Variants in RSRC1 observed in about 807,000 individuals in gnomAD.
The protein encoded by RSRC1 is serine/Arginine-related protein 53.
In RSRC1, 39 loss-of-function variants were observed where a neutral mutation model predicts 49.1. The ratio of observed to expected loss-of-function variants is 0.79; its 90% confidence interval spans 0.61 to 1.04. The LOEUF is 1.04. Ranked by LOEUF, RSRC1 falls within the 50% of genes least tolerant of loss-of-function variation. The probability of loss-of-function intolerance (pLI) is 0.00; values close to 1 mark genes in which losing one functional copy is unlikely to be tolerated. For synonymous variants in RSRC1, 143 were observed against 130.8 expected (o/e 1.09, Z -0.63); for missense variants, 388 against 402.4 (o/e 0.96, Z 0.31).
chr3:158,488,302 A>C (rs556427154), intron 7 of RSRC1, among the ~76,000 whole-genome samples: 54 of 152,318 alleles, frequency 3.5e-4, no homozygotes, highest in African/African-American at 1.3e-3. Flanking sequence ...TTGTGCCACA[A>C]TTTAATTGAC....
intron 7 of RSRC1, among the ~76,000 whole-genome samples, chr3:158,520,729 A>G (rs552339058): frequency 3.3e-5 from 5 of 152,226 alleles, no homozygotes; most frequent in Non-Finnish European, 5.9e-5. Context: ...CAGTGGTTTC[A>G]TTTTCAAAGG....
At chr3:158,115,404 G>A (rs1714733737) in intron 1 of RSRC1, among the ~76,000 whole-genome samples, 2 of 151,872 alleles carry the variant, frequency 1.3e-5, no homozygotes, top group Non-Finnish European at 2.9e-5. Context: ...AATAGAGAAT[G>A]GGAATGACTG....
intron 4 of RSRC1, among the ~76,000 whole-genome samples, chr3:158,278,558 G>A (rs1018061258): frequency 3.6e-4 from 55 of 152,278 alleles, no homozygotes; most frequent in African/African-American, 1.3e-3. Context: ...GACATCTGTG[G>A]ACTCATGAAA....
At chr3:158,358,778 C>T (rs1731303128) in intron 6 of RSRC1, among the ~76,000 whole-genome samples, 1 of 152,140 alleles carries the variant, frequency 6.6e-6, no homozygotes, top group East Asian at 1.9e-4. Context: ...CCCCCAAGCC[C>T]TTGACAACCA....
At chr3:158,255,581 G>A (rs1433433358) in intron 4 of RSRC1, among the ~76,000 whole-genome samples, 1 of 152,182 alleles carries the variant, frequency 6.6e-6, no homozygotes, top group East Asian at 1.9e-4. Flanking sequence ...CTTAAAGGTA[G>A]TTTTTTCCAA....
intron 4 of RSRC1, among the ~76,000 whole-genome samples, chr3:158,239,714 A>G (rs866380272): frequency 3.3e-5 from 5 of 152,154 alleles, no homozygotes; most frequent in African/African-American, 1.2e-4. Flanking sequence ...CCTAGAACTT[A>G]AAGTATTAAA....
intron 7 of RSRC1, among the ~76,000 whole-genome samples, chr3:158,506,287 A>G (rs1307827414): frequency 6.6e-6 from 1 of 152,216 alleles, no homozygotes; most frequent in Non-Finnish European, 1.5e-5. Flanking sequence ...TCCATTAAAA[A>G]TCAGCTAAAA....
intron 5 of RSRC1, among the ~76,000 whole-genome samples, chr3:158,317,403 A>AT (rs897081855): frequency 3.3e-5 from 5 of 150,766 alleles, no homozygotes; most frequent in Admixed American, 1.3e-4. Context: ...TAATTTTTGT[A>AT]TTTTTTTGTA....
chr3:158,382,913 A>G (rs1215586802), intron 6 of RSRC1, among the ~76,000 whole-genome samples: 6 of 152,202 alleles, frequency 3.9e-5, no homozygotes, highest in Non-Finnish European at 5.9e-5. Context: ...ACAAAGAGCT[A>G]ATCATTTCTG....
chr3:158,213,276 T>G (rs775863030), intron 4 of RSRC1, among the ~76,000 whole-genome samples: 2 of 151,910 alleles, frequency 1.3e-5, no homozygotes, highest in Non-Finnish European at 2.9e-5. Flanking sequence ...TGGGGTGTAC[T>G]TTTCTACTAA....
At chr3:158,305,248 TAAC>T (rs1453984803) in intron 5 of RSRC1, among the ~76,000 whole-genome samples, 3 of 152,006 alleles carry the variant, frequency 2.0e-5, no homozygotes, top group South Asian at 4.1e-4. Flanking sequence ...GGTGGCAGGC[TAAC>T]GTTTAAAAAA....
At chr3:158,455,045 A>T (rs995449966) in intron 6 of RSRC1, among the ~76,000 whole-genome samples, 3 of 152,134 alleles carry the variant, frequency 2.0e-5, no homozygotes, top group Non-Finnish European at 4.4e-5. Context: ...TTTAATAATA[A>T]TTCAGTTTGA....
chr3:158,509,793 A>G (rs562447598), intron 7 of RSRC1, among the ~76,000 whole-genome samples: 2 of 152,158 alleles, frequency 1.3e-5, no homozygotes, highest in African/African-American at 4.8e-5. Flanking sequence ...TCACTGTTGT[A>G]TAATATTCTA....
At chr3:158,200,377 A>C (rs894589511) in intron 3 of RSRC1, among the ~76,000 whole-genome samples, 2 of 152,110 alleles carry the variant, frequency 1.3e-5, no homozygotes, top group Non-Finnish European at 2.9e-5. Context: ...TGCTTATTTA[A>C]AGTACATATT....
intron 3 of RSRC1, among the ~76,000 whole-genome samples, chr3:158,151,592 T>A (rs1717538087): frequency 6.6e-6 from 1 of 152,182 alleles, no homozygotes; most frequent in African/African-American, 2.4e-5. Flanking sequence ...CCTGCCCAAG[T>A]ACATATGTCC....
Position 158,354,909 on chromosome 3 carries a change from G to T in RSRC1, c.583+1G>T, listed in dbSNP as rs1226620248. 6.5e-7 allele frequency: 1 copy of T among 1,547,608 alleles called. No homozygotes were observed. The highest frequency in any genetic ancestry group is 1.2e-5 in the South Asian group (1 of 80,602). On this transcript the variant is annotated splice_donor_variant, in intron 6 of 9. Coordinates refer to ENST00000611884, the MANE Select transcript of RSRC1 (RefSeq NM_001271838.2). LOFTEE classifies it high-confidence loss of function. ...CTACAGCTGGTTCTTGAAGCTGCTG[G>T]TAAGTGTTGATAATTAACTTTTATT...
chr3:158,425,379 G>A (rs1300830895), intron 6 of RSRC1, among the ~76,000 whole-genome samples: 1 of 152,072 alleles, frequency 6.6e-6, no homozygotes, highest in Non-Finnish European at 1.5e-5. Flanking sequence ...TTTCCATGTA[G>A]TTGAACAGTT....
At chr3:158,185,504 T>C (rs181496098) in intron 3 of RSRC1, among the ~76,000 whole-genome samples, 15 of 152,030 alleles carry the variant, frequency 9.9e-5, no homozygotes, top group Admixed American at 2.6e-4. Flanking sequence ...ATAATAAATA[T>C]AGCCAACTAA....
At chr3:158,154,245 C>T (rs930043275) in intron 3 of RSRC1, among the ~76,000 whole-genome samples, 1 of 152,140 alleles carries the variant, frequency 6.6e-6, no homozygotes, top group Non-Finnish European at 1.5e-5. Context: ...TGCTAATGAT[C>T]ATTTGAGCCT....
Sources: allele counts gnomAD v4.1 joint callset (sites outside exome capture counted in the v4.1 genomes callset), GRCh38; gene constraint gnomAD v4.1.1; transcripts MANE v1.5; gene names NCBI Gene and HGNC (gene_info 2026-07-23, HGNC 2026-07-21).